The following SNX18 variants were observed in gnomAD, a reference collection of about 807,000 sequenced individuals.
SNX18 encodes sorting nexin 18, also known as sorting nexin-18.
SNX18 carries 35 observed loss-of-function variants against 48.7 expected under a neutral mutation model. The ratio of observed to expected loss-of-function variants is 0.72; its 90% confidence interval spans 0.55 to 0.95. The LOEUF is 0.95. Among genes scored for constraint, SNX18 ranks in the 40% least tolerant of loss-of-function variants. The pLI is 0.00. For missense variants in SNX18, 824 were observed against 871.0 expected (o/e 0.95, Z 0.68); for synonymous variants, 492 against 384.7 (o/e 1.28, Z -3.26).
the SNX18 span, among the ~76,000 whole-genome samples, chr5:54,568,891 G>A: frequency 7.4e-6 from 1 of 135,774 alleles, no homozygotes. Context: ...CTCCCAGGCT[G>A]GAGTGCAGTG....
Position 54,545,868 on chromosome 5 carries a change from G to T in SNX18, c.*2436G>T, listed in dbSNP as rs1410628987. 3 of 152,126 alleles carry T rather than the reference G, an allele frequency of 2.0e-5. No homozygotes were observed. The highest frequency in any genetic ancestry group is 4.4e-5 in the Non-Finnish European group (3 of 68,038). 9.4% of individuals were successfully genotyped at this position (152,126 alleles called of 1,614,324 possible). ...AAAAATAAACTATCATGCCCTTCAT[G>T]CCATTATTTGTCTTTATTTCTATGA... On this transcript the variant is annotated 3_prime_UTR_variant, in exon 2 of 2. Transcript: ENST00000381410.
the SNX18 span, among the ~76,000 whole-genome samples, chr5:54,567,550 A>G: frequency 6.6e-6 from 1 of 152,158 alleles, no homozygotes; most frequent in Admixed American, 6.5e-5. Flanking sequence ...TCCTTACAAA[A>G]ACATCAGGGC....
intron 1 of SNX18, among the ~76,000 whole-genome samples, chr5:54,523,020 A>G (rs1030694566): frequency 1.5e-4 from 23 of 152,298 alleles, no homozygotes; most frequent in African/African-American, 4.6e-4. Context: ...TTAGATGGGA[A>G]TTCAGAATCT....
At position 54,518,141 on chromosome 5, in the gene SNX18, G is replaced by C; in HGVS notation, c.189G>C (p.Glu63Asp). The C allele has an allele frequency of 7.1e-7, 1 of 1,411,682 alleles. No individual in the cohort carries two copies. Among genetic ancestry groups the C allele is most frequent in the South Asian group, 1.5e-5 (1 of 66,392 alleles). The allele number at this position is 1,411,682 out of a possible 1,614,324, so 87.4% of individuals were successfully genotyped here. A position where few individuals can be genotyped will look rare whatever the true frequency, so the allele number is the denominator to read the frequency against. Residue 63 changes from glutamate to aspartate, a missense_variant, in exon 1 of 2, where the codon GAG becomes GAC. This residue lies in a region of SNX18 where 377 missense variants were observed against 350.6 expected (regional missense o/e 1.08). Transcript: ENST00000381410. ...ATGTGCAGGTGATCCGCGCCCCCGA[G>C]CCTGGCCCGGCGGGAGACGGCGGCC... ...ASYVQVIRAP[E>D]PGPAGDGGPG...
the SNX18 span, among the ~76,000 whole-genome samples, chr5:54,588,607 G>C: frequency 6.6e-6 from 1 of 152,034 alleles, no homozygotes; most frequent in Admixed American, 6.6e-5. Flanking sequence ...GATTACAGGC[G>C]TGAGCCACCG....
At chr5:54,589,040 A>C in the SNX18 span, among the ~76,000 whole-genome samples, 1 of 152,206 alleles carries the variant, frequency 6.6e-6, no homozygotes, top group African/African-American at 2.4e-5. Flanking sequence ...TCAGAGCTTT[A>C]AGAGCACACT....
chr5:54,638,506 T>A, the SNX18 span, among the ~76,000 whole-genome samples: 451 of 148,234 alleles, frequency 3.0e-3, 1 homozygote, highest in African/African-American at 0.01. Context: ...TTTAAAAAAA[T>A]TTTTTGGTGA....
the SNX18 span, among the ~76,000 whole-genome samples, chr5:54,604,478 G>A: frequency 2.2e-4 from 34 of 152,278 alleles, no homozygotes; most frequent in African/African-American, 7.0e-4. Flanking sequence ...TAAATAAACC[G>A]TGACAACATT....
At chr5:54,614,063 G>T in the SNX18 span, among the ~76,000 whole-genome samples, 1 of 152,330 alleles carries the variant, frequency 6.6e-6, no homozygotes, top group African/African-American at 2.4e-5. Flanking sequence ...GGATAATTTT[G>T]AGCATGTTCT....
chr5:54,573,524 C>T, the SNX18 span, among the ~76,000 whole-genome samples: 2 of 152,144 alleles, frequency 1.3e-5, no homozygotes, highest in African/African-American at 4.8e-5. Context: ...CTTTGAGTAT[C>T]CCCTGATGCA....
the SNX18 span, among the ~76,000 whole-genome samples, chr5:54,559,322 T>C: frequency 6.6e-6 from 1 of 152,116 alleles, no homozygotes; most frequent in East Asian, 1.9e-4. Context: ...AACTTCAAAT[T>C]ACACTACAGG....
the SNX18 span, among the ~76,000 whole-genome samples, chr5:54,619,451 G>A: frequency 2.0e-5 from 3 of 152,264 alleles, no homozygotes; most frequent in South Asian, 6.2e-4. Context: ...GGTCGAGGCT[G>A]CCTTGAATTT....
At chr5:54,644,605 A>G in the SNX18 span, 1 of 120,410 alleles carries the variant, frequency 8.3e-6, no homozygotes, top group Non-Finnish European at 1.8e-5. Context: ...CATTTTGGCC[A>G]GTGAGATAGG....
intron 1 of SNX18, among the ~76,000 whole-genome samples, chr5:54,522,456 C>T (rs987997534): frequency 3.9e-5 from 6 of 152,196 alleles, no homozygotes; most frequent in African/African-American, 1.2e-4. Context: ...TCAACCCCAT[C>T]GTAAGTTTCT....
chr5:54,639,458 T>C, the SNX18 span, among the ~76,000 whole-genome samples: 1 of 152,188 alleles, frequency 6.6e-6, no homozygotes, highest in African/African-American at 2.4e-5. Flanking sequence ...GTAAAGCCAA[T>C]GTCACTTCCA....
At chr5:54,539,844 G>C (rs914248769) in intron 1 of SNX18, among the ~76,000 whole-genome samples, 1 of 151,916 alleles carries the variant, frequency 6.6e-6, no homozygotes, top group Non-Finnish European at 1.5e-5. Context: ...GTTTTGTTTT[G>C]TTGTTTTCTT....
the SNX18 span, among the ~76,000 whole-genome samples, chr5:54,562,021 A>G: frequency 2.0e-5 from 3 of 152,252 alleles, no homozygotes; most frequent in Non-Finnish European, 4.4e-5. Flanking sequence ...AAATTAATAT[A>G]TGATAAGTAA....
chr5:54,530,294 G>A (rs758249353), intron 1 of SNX18, among the ~76,000 whole-genome samples: 98 of 152,118 alleles, frequency 6.4e-4, no homozygotes, highest in Admixed American at 1.4e-3. Context: ...TAGATTTTAG[G>A]GGGACACTAT....
chr5:54,560,603 G>A, the SNX18 span, among the ~76,000 whole-genome samples: 4 of 152,104 alleles, frequency 2.6e-5, no homozygotes, highest in East Asian at 5.8e-4. Context: ...GTAAATACCT[G>A]CACATGTACC....
Sources: gnomAD v4.1 joint callset for allele counts (sites outside exome capture counted in the v4.1 genomes callset) on GRCh38, gnomAD v4.1.1 for gene constraint, gnomAD v4.1.1 regional missense constraint, MANE v1.5 for transcripts, NCBI Gene and HGNC (gene_info 2026-07-23, HGNC 2026-07-21) for gene names.